Variants in PRKG1 observed in about 807,000 individuals in gnomAD.
The protein encoded by PRKG1 is cGMP-dependent protein kinase 1.
A neutral mutation model predicts 88.1 loss-of-function variants in PRKG1; 35 were observed. That is an observed-to-expected ratio of 0.40 (90% CI 0.30 to 0.53). The LOEUF (loss-of-function observed/expected upper bound fraction) is 0.53, where lower values mean the gene tolerates loss of function less well. Among genes scored for constraint, PRKG1 ranks in the 20% least tolerant of loss-of-function variants. PRKG1 has a pLI of 0.59. For synonymous variants in PRKG1, 303 were observed against 292.5 expected (o/e 1.04, Z -0.37); for missense variants, 540 against 839.8 (o/e 0.64, Z 4.41).
intron 3 of PRKG1, among the ~76,000 whole-genome samples, chr10:51,740,498 T>C (rs1177298704): frequency 1.3e-5 from 2 of 152,234 alleles, no homozygotes; most frequent in Non-Finnish European, 2.9e-5. Flanking sequence ...GACATTATTT[T>C]ATGCTTTGCA....
intron 1 of PRKG1, among the ~76,000 whole-genome samples, chr10:51,040,532 C>A (rs576278553): frequency 1.3e-5 from 2 of 151,630 alleles, no homozygotes; most frequent in Non-Finnish European, 2.9e-5. Flanking sequence ...GTTGGCCAGG[C>A]TGGTCTTGAA....
At chr10:51,614,889 C>T (rs1839005382) in intron 3 of PRKG1, among the ~76,000 whole-genome samples, 2 of 151,804 alleles carry the variant, frequency 1.3e-5, no homozygotes, top group Admixed American at 1.3e-4. Context: ...TTATAGTATT[C>T]TTGGCTAGCA....
At chr10:51,805,584 T>C (rs1839283955) in intron 4 of PRKG1, among the ~76,000 whole-genome samples, 1 of 152,048 alleles carries the variant, frequency 6.6e-6, no homozygotes, top group Non-Finnish European at 1.5e-5. Flanking sequence ...GTAGAATGTT[T>C]AACTTTTTTA....
At chr10:52,079,853 A>G (rs1846725975) in intron 7 of PRKG1, among the ~76,000 whole-genome samples, 1 of 152,200 alleles carries the variant, frequency 6.6e-6, no homozygotes, top group South Asian at 2.1e-4. Context: ...ATACTTTTAC[A>G]TTATTAGATA....
chr10:51,451,576 A>C (rs1839439297), intron 2 of PRKG1, among the ~76,000 whole-genome samples: 1 of 151,940 alleles, frequency 6.6e-6, no homozygotes, highest in Non-Finnish European at 1.5e-5. Flanking sequence ...TTGACTCCAG[A>C]GAAACCAGTT....
intron 2 of PRKG1, among the ~76,000 whole-genome samples, chr10:51,451,143 A>G (rs1239384949): frequency 6.6e-6 from 1 of 151,998 alleles, no homozygotes; most frequent in Non-Finnish European, 1.5e-5. Flanking sequence ...TTTGTGATTT[A>G]CTAATAGGTG....
chr10:51,682,165 C>T (rs1418518787), intron 3 of PRKG1, among the ~76,000 whole-genome samples: 1 of 152,156 alleles, frequency 6.6e-6, no homozygotes, highest in Non-Finnish European at 1.5e-5. Flanking sequence ...CTTGAAACTT[C>T]TTGGGTCAAA....
intron 5 of PRKG1, among the ~76,000 whole-genome samples, chr10:51,932,170 A>T (rs1842707366): frequency 6.7e-6 from 1 of 149,604 alleles, no homozygotes; most frequent in Admixed American, 6.7e-5. Context: ...ATTCAGTATC[A>T]TTTTATCTTT....
At position 51,093,752 on chromosome 10, in the gene PRKG1, TATATATAC is replaced by T. The variant is rs1194744104; in HGVS notation, c.311+18865_311+18872del. ...TGTATTTTATATATATATTTATATG[TATATATAC>T]ATATATACATATACATATATATGTA... On this transcript the variant is annotated intron_variant, in intron 1 of 17. Transcript: ENST00000373980. Among the ~76,000 whole-genome samples, 333 of 145,374 alleles carry T rather than the reference TATATATAC, an allele frequency of 2.3e-3. 1 individual carries two copies. Among genetic ancestry groups the T allele is most frequent in the African/African-American group, 7.8e-3 (311 of 39,728 alleles).
intron 5 of PRKG1, among the ~76,000 whole-genome samples, chr10:51,996,611 T>C (rs1173828809): frequency 6.6e-6 from 1 of 152,118 alleles, no homozygotes; most frequent in Non-Finnish European, 1.5e-5. Flanking sequence ...CTAGACTGGC[T>C]GTTATCAAAA....
chr10:52,296,638 T>C lies in PRKG1; in HGVS notation c.*2738T>C, dbSNP rs1257651006. ...AATAGTGCCAACTTGTTTGATTTGT[T>C]ATATGATTTTCTTGTTAATGTGTTG... On this transcript the variant is annotated 3_prime_UTR_variant, in exon 18 of 18. Transcript: ENST00000373980. 6.6e-6 allele frequency: 1 copy of C among 152,084 alleles called. No homozygotes were observed. Among genetic ancestry groups the C allele is most frequent in the Non-Finnish European group, 1.5e-5 (1 of 67,958 alleles). 9.4% of individuals were successfully genotyped at this position (152,084 alleles called of 1,614,324 possible).
intron 2 of PRKG1, among the ~76,000 whole-genome samples, chr10:51,261,117 A>G (rs1023907319): frequency 2.0e-5 from 3 of 152,268 alleles, no homozygotes; most frequent in Non-Finnish European, 4.4e-5. Context: ...GGAAGATATT[A>G]TTAAATACAA....
intron 9 of PRKG1, among the ~76,000 whole-genome samples, chr10:52,232,848 G>T (rs759524192): frequency 4.6e-5 from 7 of 152,136 alleles, no homozygotes; most frequent in Non-Finnish European, 7.3e-5. Flanking sequence ...GCAATTTCCT[G>T]TTATGATGAG....
intron 3 of PRKG1, among the ~76,000 whole-genome samples, chr10:51,706,323 G>T (rs1841603249): frequency 6.6e-6 from 1 of 152,128 alleles, no homozygotes; most frequent in Admixed American, 6.5e-5. Context: ...CACCTGCGCT[G>T]GCCTTCCAAA....
intron 5 of PRKG1, among the ~76,000 whole-genome samples, chr10:51,929,866 G>A (rs1018069390): frequency 1.3e-5 from 2 of 152,066 alleles, no homozygotes; most frequent in African/African-American, 4.8e-5. Context: ...TTACCTATCT[G>A]TTGCACAGAA....
chr10:51,091,903 C>G (rs1384700801), intron 1 of PRKG1, among the ~76,000 whole-genome samples: 1 of 152,136 alleles, frequency 6.6e-6, no homozygotes, highest in African/African-American at 2.4e-5. Context: ...CTGAGATCAC[C>G]TGTTGCTGCC....
At chr10:51,027,889 T>C (rs1843228729) in intron 1 of PRKG1, among the ~76,000 whole-genome samples, 1 of 152,206 alleles carries the variant, frequency 6.6e-6, no homozygotes, top group African/African-American at 2.4e-5. Flanking sequence ...TGACAACCAT[T>C]CATTTTTTAA....
At chr10:52,152,089 C>G (rs954364770) in intron 8 of PRKG1, among the ~76,000 whole-genome samples, 38 of 152,218 alleles carry the variant, frequency 2.5e-4, no homozygotes, top group African/African-American at 9.1e-4. Flanking sequence ...GGTGGATACC[C>G]TAAGACATAC....
chr10:51,424,322 A>G (rs1267680352), intron 2 of PRKG1, among the ~76,000 whole-genome samples: 6 of 152,026 alleles, frequency 3.9e-5, no homozygotes, highest in Admixed American at 3.3e-4. Flanking sequence ...ATATTTCATA[A>G]ATTTTATCTT....
Sources: gnomAD v4.1 joint callset for allele counts (sites outside exome capture counted in the v4.1 genomes callset) on GRCh38, gnomAD v4.1.1 for gene constraint, MANE v1.5 for transcripts, NCBI Gene and HGNC (gene_info 2026-07-23, HGNC 2026-07-21) for gene names.